The following EIF2S3 variants were observed in gnomAD, a reference collection of about 807,000 sequenced individuals.
EIF2S3 encodes eukaryotic translation initiation factor 2 subunit 3.
A neutral mutation model predicts 31.7 loss-of-function variants in EIF2S3; 2 were observed. The ratio of observed to expected loss-of-function variants is 0.06; its 90% CI spans 0.03 to 0.20. The LOEUF is 0.20. Ranked by LOEUF, EIF2S3 falls within the 10% of genes least tolerant of loss-of-function variation. EIF2S3 has a pLI of 1.00. For synonymous variants in EIF2S3, 120 were observed against 126.7 expected (o/e 0.95, Z 0.36); for missense variants, 96 against 359.3 (o/e 0.27, Z 5.92).
At position 24,073,234 on chromosome X, in the gene EIF2S3, C is replaced by A; in HGVS notation, c.1326C>A (p.Ala442=). The change falls in exon 11 of 12, where the codon GCC becomes GCA. Residue 442 remains alanine (A), a synonymous_variant. Coordinates refer to ENST00000253039, the MANE Select transcript of EIF2S3 (RefSeq NM_001415.4). ...GCACAGAGGTAGGAGAAAAAATTGC[C>A]CTTAGCCGAAGAGTTGAAAAACACT... ...PVCTEVGEKI[A]LSRRVEKHWR... is the part of the protein sequence containing the mutation. The A allele has an allele frequency of 1.7e-6, 2 of 1,210,291 alleles. No individual in the cohort carries two copies. Among genetic ancestry groups the A allele is most frequent in the Non-Finnish European group, 2.2e-6 (2 of 895,177 alleles).
chrX:24,055,171 G>T, intron 1 of EIF2S3, 134 bp downstream of exon 1: 1 of 729,790 alleles, frequency 1.4e-6, no homozygotes, highest in Non-Finnish European at 2.0e-6. Flanking sequence ...CTGGAACTGG[G>T]CGCCCTAAGC....
intron 11 of EIF2S3, 51 bp downstream of exon 11, chrX:24,073,314 G>A (rs1569280555): frequency 8.6e-7 from 1 of 1,167,276 alleles, no homozygotes; most frequent in Admixed American, 2.4e-5. Flanking sequence ...ACACAGTCTT[G>A]TACAGAAAAA....
chrX:24,072,917 G>C lies in EIF2S3; in HGVS notation c.1183-174G>C, dbSNP rs369943020. 2.7e-5 allele frequency among the ~76,000 whole-genome samples: 3 copies of C among 112,040 alleles called. No individual in the cohort carries two copies. The South Asian group carries it at 1.1e-3, about 41-fold the overall frequency. ...TAAAGGTAGATCTTGTGTAAATTCA[G>C]TGGGTGCCAAATAAACTATACTATA... On this transcript the variant is annotated intron_variant, in intron 10 of 11. Transcript: ENST00000253039.
Position 24,067,839 on chromosome X carries a change from C to T in EIF2S3, c.868-125C>T, listed in dbSNP as rs763132881. 170 of 766,656 alleles carry T rather than the reference C, an allele frequency of 2.2e-4. No homozygotes were observed. In the Middle Eastern group the frequency reaches 4.1e-3, roughly 19 times the overall value. The allele number at this position is 766,656 out of a possible 1,213,427, so 63.2% of individuals were successfully genotyped here. On this transcript the variant is annotated intron_variant, in intron 8 of 11. Transcript: ENST00000253039. Reference sequence around the variant, plus strand: ...CTGACCTCAGGTGATCCACCCGCCTCGGCCTCCCAAAATGCTAGGATTACA... The same window carrying T: ...CTGACCTCAGGTGATCCACCCGCCTTGGCCTCCCAAAATGCTAGGATTACA...
intron 8 of EIF2S3, among the ~76,000 whole-genome samples, chrX:24,066,507 C>G (rs1930575845): frequency 1.0e-5 from 1 of 100,214 alleles, no homozygotes; most frequent in Non-Finnish European, 2.0e-5. Flanking sequence ...ATATATGCTG[C>G]CATTGCTTTT....
chrX:24,058,726 A>T (rs762719081), intron 4 of EIF2S3, among the ~76,000 whole-genome samples: 1 of 104,456 alleles, frequency 9.6e-6, no homozygotes, highest in African/African-American at 3.5e-5. Context: ...TTATTTATTT[A>T]TTTTTGAGAC....
rs1379186500 is a variant in EIF2S3, at chrX:24,077,168, A to G, written c.*383A>G. The G allele has an allele frequency of 8.4e-6, 1 of 119,054 alleles. No homozygotes were observed. Among genetic ancestry groups the G allele is most frequent in the Non-Finnish European group, 1.7e-5 (1 of 58,991 alleles). 9.8% of individuals were successfully genotyped at this position (119,054 alleles called of 1,213,427 possible). On this transcript the variant is annotated 3_prime_UTR_variant, in exon 12 of 12. Coordinates refer to ENST00000253039, the MANE Select transcript of EIF2S3 (RefSeq NM_001415.4). ...TCTGCAACCTCTGCCCCCCGGGTTC[A>G]AGCGATTCTCCTGCCTCAGCCTCCC...
chrX:24,072,276 C>T (rs1175089154), intron 10 of EIF2S3, among the ~76,000 whole-genome samples: 1 of 109,062 alleles, frequency 9.2e-6, no homozygotes, highest in Non-Finnish European at 1.9e-5. Context: ...TTCCTAAAAT[C>T]CATATTTTTG....
Position 24,071,727 on chromosome X carries a change from G to A in EIF2S3, c.1182G>A (p.Lys394=). Reference sequence around the variant, plus strand: ...CTGAAGGAGACAAGAAAGCAGCAAAGGTAAATGCTTTTTTAAAAATTCCTG... The same window carrying A: ...CTGAAGGAGACAAGAAAGCAGCAAAAGTAAATGCTTTTTTAAAAATTCCTG... ...VRTEGDKKAA[K]VQKLSKNEVL... The change falls in exon 10 of 12, where the codon AAG becomes AAA. Residue 394 remains lysine, a splice_region_variant and synonymous_variant. Transcript: ENST00000253039. The A allele has an allele frequency of 1.7e-6, 2 of 1,207,048 alleles. No individual in the cohort carries two copies. The highest frequency in any genetic ancestry group is 1.7e-5 in the African/African-American group (1 of 57,484).
At chrX:24,061,739 C>T (rs774986560) in intron 5 of EIF2S3, among the ~76,000 whole-genome samples, 1 of 110,800 alleles carries the variant, frequency 9.0e-6, no homozygotes, top group Non-Finnish European at 1.9e-5. Context: ...GAAGAGTAGC[C>T]TCTGATATTA....
chrX:24,073,066 A>G, intron 10 of EIF2S3, 25 bp from the exon 11 acceptor site: 2 of 1,187,367 alleles, frequency 1.7e-6, no homozygotes, highest in South Asian at 3.7e-5. Flanking sequence ...TTTGGGGTTT[A>G]TTTTTCCCTA....
At position 24,057,470 on chromosome X, in the gene EIF2S3, T is replaced by C. The variant is rs1384806739; in HGVS notation, c.183T>C (p.Ile61=). ...GGAAATCCACAGTCGTCAAAGCTAT[T>C]TCTGGAGTTCATACTGTCAGGTTCA... ...AHGKSTVVKA[I]SGVHTVRFKN... is the part of the protein sequence containing the mutation. Residue 61 remains isoleucine (I), a synonymous_variant, in exon 3 of 12, where the codon ATT becomes ATC. Coordinates refer to ENST00000253039, the MANE Select transcript of EIF2S3 (RefSeq NM_001415.4). 5.8e-6 allele frequency: 7 copies of C among 1,210,341 alleles called. No individual in the cohort carries two copies. The highest frequency in any genetic ancestry group is 7.8e-6 in the Non-Finnish European group (7 of 895,014).
chrX:24,059,959 C>A, intron 4 of EIF2S3, 129 bp from the exon 5 acceptor site: 1 of 482,294 alleles, frequency 2.1e-6, no homozygotes. Context: ...GTTCTAGAAA[C>A]GACAAGCCCT....
At chrX:24,058,054 G>C (rs1412572759) in intron 4 of EIF2S3, among the ~76,000 whole-genome samples, 1 of 112,385 alleles carries the variant, frequency 8.9e-6, no homozygotes, top group Non-Finnish European at 1.9e-5. Context: ...CGCTGTTTCT[G>C]TATGTTAAAT....
chrX:24,063,790 T>G (rs1930529639), intron 6 of EIF2S3, among the ~76,000 whole-genome samples: 1 of 111,384 alleles, frequency 9.0e-6, no homozygotes, highest in Non-Finnish European at 1.9e-5. Flanking sequence ...AAAAAAAGTA[T>G]ATATGCCAGC....
At chrX:24,069,744 G>T (rs1930636435) in intron 9 of EIF2S3, among the ~76,000 whole-genome samples, 2 of 88,052 alleles carry the variant, frequency 2.3e-5, no homozygotes, top group African/African-American at 8.9e-5. Context: ...AGGCTGGAGT[G>T]CAGTAGTATT....
intron 4 of EIF2S3, among the ~76,000 whole-genome samples, chrX:24,059,216 G>T (rs1930454018): frequency 8.9e-6 from 1 of 111,735 alleles, no homozygotes; most frequent in African/African-American, 3.2e-5. Context: ...TAGACAATAC[G>T]TGTGTAAATA....
Position 24,067,944 on chromosome X carries a change from T to G in EIF2S3, c.868-20T>G. 8.6e-7 allele frequency: 1 copy of G among 1,162,692 alleles called. No individual in the cohort carries two copies. The highest frequency in any genetic ancestry group is 2.5e-4 in the Middle Eastern group (1 of 4,074). On this transcript the variant is annotated intron_variant, in intron 8 of 11. Coordinates refer to ENST00000253039, the MANE Select transcript of EIF2S3 (RefSeq NM_001415.4). ...TTTTGCGTAACACAGTAATTCTAATTACTAATTATATGTTTACAGGTGGGC... is the reference window on the plus strand; with the variant it reads ...TTTTGCGTAACACAGTAATTCTAATGACTAATTATATGTTTACAGGTGGGC...
intron 3 of EIF2S3, 33 bp from the exon 4 acceptor site, chrX:24,057,600 A>G: frequency 7.4e-6 from 9 of 1,209,505 alleles, no homozygotes; most frequent in Non-Finnish European, 1.0e-5. Flanking sequence ...TGTGCAGATA[A>G]CAAATCAAAA....
Sources: allele counts gnomAD v4.1 joint callset (sites outside exome capture counted in the v4.1 genomes callset), GRCh38; gene constraint gnomAD v4.1.1; transcripts MANE v1.5; gene names NCBI Gene and HGNC (gene_info 2026-07-23, HGNC 2026-07-21).